Variants in HTR2A observed in about 807,000 individuals in gnomAD.
The protein encoded by HTR2A is 5-hydroxytryptamine receptor 2A.
A neutral mutation model predicts 31.0 loss-of-function variants in HTR2A; 14 were observed. The ratio of observed to expected loss-of-function variants is 0.45; its 90% CI spans 0.30 to 0.71. HTR2A has a LOEUF of 0.71. Among genes scored for constraint, HTR2A ranks in the 30% least tolerant of loss-of-function variants. The pLI is 0.09. For missense variants in HTR2A, 442 were observed against 573.3 expected (o/e 0.77, Z 2.34); for synonymous variants, 209 against 225.2 (o/e 0.93, Z 0.64).
At chr13:46,861,294 T>A (rs922696995) in intron 3 of HTR2A, among the ~76,000 whole-genome samples, 10 of 152,114 alleles carry the variant, frequency 6.6e-5, no homozygotes, top group African/African-American at 2.4e-4. Flanking sequence ...GTGATTTACT[T>A]TTTTTTTCCT....
At chr13:46,845,087 T>C (rs1950630743) in intron 3 of HTR2A, among the ~76,000 whole-genome samples, 1 of 152,140 alleles carries the variant, frequency 6.6e-6, no homozygotes, top group African/African-American at 2.4e-5. Flanking sequence ...GAACCCTATG[T>C]ACACATCACC....
chr13:46,893,775 G>A (rs1372686708), intron 2 of HTR2A, among the ~76,000 whole-genome samples: 4 of 152,148 alleles, frequency 2.6e-5, no homozygotes, highest in Non-Finnish European at 5.9e-5. Context: ...TATAAGCAGC[G>A]GAGTTAGATC....
At chr13:46,896,632 G>T (rs1951107054) in intron 1 of HTR2A, 42 bp downstream of exon 1, 1 of 1,422,262 alleles carries the variant, frequency 7.0e-7, no homozygotes, top group Admixed American at 2.6e-5. Context: ...AAACCGGAAA[G>T]AAAATTACAC....
intron 3 of HTR2A, among the ~76,000 whole-genome samples, chr13:46,880,132 C>G (rs1950948871): frequency 6.6e-6 from 1 of 152,200 alleles, no homozygotes; most frequent in Non-Finnish European, 1.5e-5. Flanking sequence ...TCCAGCAGGT[C>G]TGAGTTACTT....
In HTR2A at chr13:46,835,436, CAAG is replaced by C; in HGVS notation, c.814_816del (p.Leu272del). The C allele has an allele frequency of 6.2e-7, 1 of 1,614,018 alleles. No homozygotes were observed. The highest frequency in any genetic ancestry group is 8.5e-7 in the Non-Finnish European group (1 of 1,179,964). The stretch of plus-strand genomic sequence containing the variant: ...AAAGAAGCTAATTTGGCCCGTGTGC[CAAG>C]ATCACTTACACACAAAGTAGCTTCT... On this transcript the variant is annotated inframe_deletion, in exon 4 of 4. Coordinates refer to ENST00000542664, the MANE Select transcript of HTR2A (RefSeq NM_000621.5).
chr13:46,852,477 G>A (rs1274746490), intron 3 of HTR2A, among the ~76,000 whole-genome samples: 1 of 152,250 alleles, frequency 6.6e-6, no homozygotes, highest in Non-Finnish European at 1.5e-5. Flanking sequence ...CTTAGCCCCT[G>A]TGTGTTTGGA....
At chr13:46,879,657 C>T (rs1397304727) in intron 3 of HTR2A, among the ~76,000 whole-genome samples, 2 of 152,174 alleles carry the variant, frequency 1.3e-5, no homozygotes, top group African/African-American at 2.4e-5. Flanking sequence ...ACATGATTAT[C>T]TGCCTTAGAC....
intron 3 of HTR2A, among the ~76,000 whole-genome samples, chr13:46,874,685 A>C (rs1950892467): frequency 1.3e-5 from 2 of 152,382 alleles, no homozygotes; most frequent in South Asian, 4.1e-4. Flanking sequence ...ATCTAACACA[A>C]AATGGCTCCA....
rs186765411 is a variant in HTR2A at position 46,849,017 on chromosome 13, C to G, written c.614-13378G>C. On this transcript the variant is annotated intron_variant, in intron 3 of 3. Transcript: ENST00000542664. Reference sequence around the variant, plus strand: ...AGTAATGAACAACTGAGACATTTAGCTGCCTCCTTGGCCTCTCAATTTGGA... The same window carrying G: ...AGTAATGAACAACTGAGACATTTAGGTGCCTCCTTGGCCTCTCAATTTGGA... 2.6e-5 allele frequency among the ~76,000 whole-genome samples: 4 copies of G among 152,280 alleles called. No individual in the cohort carries two copies. The East Asian group carries it at 7.7e-4, about 29-fold the overall frequency.
intron 3 of HTR2A, among the ~76,000 whole-genome samples, chr13:46,874,603 A>G (rs528110839): frequency 6.6e-6 from 1 of 152,376 alleles, no homozygotes; most frequent in East Asian, 1.9e-4. Context: ...CTTGCATTGT[A>G]TCTAGGAAGC....
upstream of HTR2A, among the ~76,000 whole-genome samples, chr13:46,897,362 C>T (rs953922464): frequency 2.6e-5 from 4 of 152,130 alleles, no homozygotes; most frequent in African/African-American, 9.7e-5. Context: ...CATCCAAAGC[C>T]AACAGTGTTT....
intron 3 of HTR2A, among the ~76,000 whole-genome samples, chr13:46,879,060 G>A (rs1209992155): frequency 1.3e-5 from 2 of 152,206 alleles, no homozygotes; most frequent in Non-Finnish European, 2.9e-5. Context: ...TGAGGAAACT[G>A]CATGAAATGC....
chr13:46,879,374 C>A (rs1314462003), intron 3 of HTR2A, among the ~76,000 whole-genome samples: 1 of 152,168 alleles, frequency 6.6e-6, no homozygotes, highest in East Asian at 1.9e-4. Flanking sequence ...ACTGGAAATG[C>A]AGAAGGGCTT....
At chr13:46,871,739 TG>T (rs1249499168) in intron 3 of HTR2A, among the ~76,000 whole-genome samples, 31 of 152,272 alleles carry the variant, frequency 2.0e-4, no homozygotes, top group African/African-American at 7.5e-4. Context: ...GACACCTAAC[TG>T]GCTGAGTATG....
intron 3 of HTR2A, among the ~76,000 whole-genome samples, chr13:46,849,977 A>G (rs1950670180): frequency 6.6e-6 from 1 of 152,246 alleles, no homozygotes; most frequent in Non-Finnish European, 1.5e-5. Context: ...CACATACAAC[A>G]TAAAAAGAAG....
chr13:46,869,612 G>A (rs1184768384), intron 3 of HTR2A, among the ~76,000 whole-genome samples: 1 of 152,026 alleles, frequency 6.6e-6, no homozygotes, highest in Non-Finnish European at 1.5e-5. Context: ...TTATTAATAT[G>A]CCAATGCTCT....
At chr13:46,897,930 G>A (rs940052945), upstream of HTR2A, among the ~76,000 whole-genome samples, 2 of 152,196 alleles carry the variant, frequency 1.3e-5, no homozygotes, top group East Asian at 3.9e-4. Context: ...CCCCCTGCCC[G>A]GCTCTCAGTG....
At chr13:46,843,359 G>A (rs1036428814) in intron 3 of HTR2A, among the ~76,000 whole-genome samples, 2 of 152,134 alleles carry the variant, frequency 1.3e-5, no homozygotes, top group African/African-American at 2.4e-5. Flanking sequence ...GCATCCACTA[G>A]GGGTCTTGGA....
At chr13:46,866,389 G>A (rs575014562) in intron 3 of HTR2A, among the ~76,000 whole-genome samples, 5 of 152,250 alleles carry the variant, frequency 3.3e-5, no homozygotes, top group Non-Finnish European at 7.4e-5. Flanking sequence ...GAGCTATCCT[G>A]TACTGCCTGA....
Sources: gnomAD v4.1 joint callset for allele counts (sites outside exome capture counted in the v4.1 genomes callset) on GRCh38, gnomAD v4.1.1 for gene constraint, MANE v1.5 for transcripts, NCBI Gene and HGNC (gene_info 2026-07-23, HGNC 2026-07-21) for gene names.